GCC1: variants seen among roughly 807,000 people sequenced by gnomAD.
GCC1 encodes GRIP and coiled-coil domain-containing protein 1.
GCC1 carries 36 observed loss-of-function variants against 62.5 expected under a neutral mutation model. The ratio of observed to expected loss-of-function variants is 0.58; its 90% CI spans 0.44 to 0.76. The LOEUF is 0.76. Among genes scored for constraint, GCC1 ranks in the 30% least tolerant of loss-of-function variants. GCC1 has a pLI of 0.00. For synonymous variants in GCC1, 391 were observed against 386.8 expected (o/e 1.01, Z -0.13); for missense variants, 885 against 948.3 (o/e 0.93, Z 0.88).
rs1317543064 is a variant in GCC1 at position 127,584,656 on chromosome 7, G to C, written c.527C>G (p.Thr176Ser). 1 of 1,614,030 alleles carries C rather than the reference G, an allele frequency of 6.2e-7. No individual in the cohort carries two copies. The highest frequency in any genetic ancestry group is 2.2e-5 in the East Asian group (1 of 44,892). Residue 176 changes from threonine (T) to serine (S), a missense_variant, in exon 1 of 2, where the codon ACT (threonine) becomes AGT (serine). Coordinates refer to ENST00000321407, the MANE Select transcript of GCC1 (RefSeq NM_024523.6). ...ATLTSSLATV[T>S]QEKSRMEASY... The stretch of plus-strand genomic sequence containing the variant: ...AGCCTCCATGCGGGACTTCTCCTGA[G>C]TGACTGTAGCCAAAGAACTGGTCAA...
chr7:127,583,668 G>T (rs978818990), intron 1 of GCC1, among the ~76,000 whole-genome samples: 1 of 152,030 alleles, frequency 6.6e-6, no homozygotes, highest in Admixed American at 6.5e-5. Context: ...TCAAAACTGC[G>T]CTGGATCTCC....
At position 127,584,384 on chromosome 7, in the gene GCC1, T is replaced by A. The variant is rs1412366915; in HGVS notation, c.799A>T (p.Arg267Trp). The A allele has an allele frequency of 6.2e-7, 1 of 1,614,028 alleles. No homozygotes were observed. The highest frequency in any genetic ancestry group is 1.1e-5 in the South Asian group (1 of 91,080). The change falls in exon 1 of 2, where the codon AGG becomes TGG. Residue 267 changes from arginine (R) to tryptophan (W), a missense_variant. Arg to Trp is a moderately radical substitution (Grantham distance 101, BLOSUM62 -3). Coordinates refer to ENST00000321407, the MANE Select transcript of GCC1 (RefSeq NM_024523.6). ...ERTQRQDLEL[R>W]LEETREALAG... The stretch of plus-strand genomic sequence containing the variant: ...AAGGCTTCTCGGGTCTCTTCTAACC[T>A]AAGCTCCAAGTCCTGGCGCTGGGTC...
rs755058694 is a variant in GCC1 at position 127,583,094 on chromosome 7, G to A, written c.1248C>T (p.Ser416=). The A allele has an allele frequency of 6.2e-7, 1 of 1,614,044 alleles. No homozygotes were observed. Among genetic ancestry groups the A allele is most frequent in the Non-Finnish European group, 8.5e-7 (1 of 1,180,006 alleles). ...KTLALAASSR[S]PLDSHGEESS... is the part of the protein sequence containing the mutation. The stretch of plus-strand genomic sequence containing the variant: ...ACTCCTCTCCATGGCTGTCTAAAGG[G>A]GACCTGCTGGAGGCTGCTAGAGCCA... The change falls in exon 2 of 2, where the codon TCC becomes TCT. Residue 416 remains serine, a synonymous_variant. Transcript: ENST00000321407.
rs1417955801 is a variant in GCC1 at position 127,580,903 on chromosome 7, G to C, written c.*1111C>G. ...AGAAAAGAAGGAATAAAGAAACTGA[G>C]TTTTCTGAGAACCCCCTTTCCAGAC... is the stretch of plus-strand genomic sequence containing the variant. On this transcript the variant is annotated 3_prime_UTR_variant, in exon 2 of 2. Transcript: ENST00000321407. 6.6e-6 allele frequency: 1 copy of C among 152,178 alleles called. No homozygotes were observed. The highest frequency in any genetic ancestry group is 1.5e-5 in the Non-Finnish European group (1 of 68,046). 9.4% of individuals were successfully genotyped at this position (152,178 alleles called of 1,614,324 possible). A position where few individuals can be genotyped will look rare whatever the true frequency, so the allele number is the denominator to read the frequency against.
Position 127,584,922 on chromosome 7 carries a change from G to T in GCC1, c.261C>A (p.Cys87Ter), listed in dbSNP as rs2285348. Residue 87 changes from cysteine (C) to a stop codon, truncating the protein, a stop_gained, in exon 1 of 2, where the codon TGC becomes TGA. Transcript: ENST00000321407. LOFTEE classifies it high-confidence loss of function. ...CAGTGCTATCCTCGCTGTGAGTGGA[G>T]CACCGGTCATCCACAGAGTCAGGAA... ...LTFPDSVDDR[C>*]STHSEDSTGT... is the part of the protein sequence containing the mutation. The T allele has an allele frequency of 6.2e-7, 1 of 1,614,138 alleles. No individual in the cohort carries two copies. Among genetic ancestry groups the T allele is most frequent in the Admixed American group, 1.7e-5 (1 of 60,030 alleles).
chr7:127,585,594 A>G lies in GCC1; in HGVS notation c.-412T>C, dbSNP rs1348845052. Reference sequence around the variant, plus strand: ...ATCCTAACTAAAGCTGCCTGCCGACAACGGCGCTTCCGTGTCCGCTGGAAG... The same window carrying G: ...ATCCTAACTAAAGCTGCCTGCCGACGACGGCGCTTCCGTGTCCGCTGGAAG... On this transcript the variant is annotated 5_prime_UTR_variant, in exon 1 of 2. Coordinates refer to ENST00000321407, the MANE Select transcript of GCC1 (RefSeq NM_024523.6). 6.0e-6 allele frequency: 1 copy of G among 165,484 alleles called. No homozygotes were observed. The highest frequency in any genetic ancestry group is 1.7e-4 in the East Asian group (1 of 5,754). 10.3% of individuals were successfully genotyped at this position (165,484 alleles called of 1,614,324 possible).
In GCC1 at chr7:127,581,020, C is replaced by T. The variant is rs1185791706; in HGVS notation, c.*994G>A. On this transcript the variant is annotated 3_prime_UTR_variant, in exon 2 of 2. Transcript: ENST00000321407. ...AGAAAGCACCCCAACCCAGGTTTAG[C>T]TGATCTTTACCACTTCCCTGTGAGA... 1 of 152,228 alleles carries T rather than the reference C, an allele frequency of 6.6e-6. No individual in the cohort carries two copies. Among genetic ancestry groups the T allele is most frequent in the Non-Finnish European group, 1.5e-5 (1 of 68,042 alleles). The allele number at this position is 152,228 out of a possible 1,614,324, so 9.4% of individuals were successfully genotyped here.
rs1383020558 is a variant in GCC1, at chr7:127,584,805, T to G, written c.378A>C (p.Pro126=). Residue 126 remains proline (P), a synonymous_variant, in exon 1 of 2, where the codon CCA becomes CCC. Coordinates refer to ENST00000321407, the MANE Select transcript of GCC1 (RefSeq NM_024523.6). ...VEDDRPARGP[P]PPKSEEASWS... ...AACTGGCCTCTTCGGACTTTGGAGGTGGTGGTCCACGGGCCGGTCTGTCAT... is the reference window on the plus strand; with the variant it reads ...AACTGGCCTCTTCGGACTTTGGAGGGGGTGGTCCACGGGCCGGTCTGTCAT... 6.2e-7 allele frequency: 1 copy of G among 1,613,936 alleles called. No homozygotes were observed. Among genetic ancestry groups the G allele is most frequent in the Non-Finnish European group, 8.5e-7 (1 of 1,180,028 alleles).
chr7:127,585,330 G>A lies in GCC1; in HGVS notation c.-148C>T. On this transcript the variant is annotated 5_prime_UTR_variant, in exon 1 of 2. Coordinates refer to ENST00000321407, the MANE Select transcript of GCC1 (RefSeq NM_024523.6). ...TCCACCTAGTTATCCCGGACCTAAT[G>A]CGGAACGGCCGGACGGACTGGCGAA... is the stretch of plus-strand genomic sequence containing the variant. 1 of 764,870 alleles carries A rather than the reference G, an allele frequency of 1.3e-6. No individual in the cohort carries two copies. The highest frequency in any genetic ancestry group is 1.9e-5 in the South Asian group (1 of 53,170). 47.4% of individuals were successfully genotyped at this position (764,870 alleles called of 1,614,324 possible). A position where few individuals can be genotyped will look rare whatever the true frequency, so the allele number is the denominator to read the frequency against.
At position 127,584,889 on chromosome 7, in the gene GCC1, G is replaced by A. The variant is rs1299673110; in HGVS notation, c.294C>T (p.Ala98=). 6.2e-7 allele frequency: 1 copy of A among 1,614,160 alleles called. No homozygotes were observed. Among genetic ancestry groups the A allele is most frequent in the Non-Finnish European group, 8.5e-7 (1 of 1,180,042 alleles). Residue 98 remains alanine (A), a synonymous_variant, in exon 1 of 2, where the codon GCC becomes GCT. Transcript: ENST00000321407. ...STHSEDSTGT[A]TSLDTAASLT... Reference sequence around the variant, plus strand: ...GACTGGCCGCAGTATCCAAGCTAGTGGCGGTCCCAGTGCTATCCTCGCTGT... The same window carrying A: ...GACTGGCCGCAGTATCCAAGCTAGTAGCGGTCCCAGTGCTATCCTCGCTGT...
At position 127,582,466 on chromosome 7, in the gene GCC1, C is replaced by A; in HGVS notation, c.1876G>T (p.Gly626Cys). The A allele has an allele frequency of 6.2e-7, 1 of 1,613,810 alleles. No homozygotes were observed. The highest frequency in any genetic ancestry group is 8.5e-7 in the Non-Finnish European group (1 of 1,179,804). The change falls in exon 2 of 2, where the codon GGT (glycine) becomes TGT (cysteine). Residue 626 changes from glycine (G) to cysteine (C), a missense_variant. By Grantham distance (159) the Gly-to-Cys change is radical. Coordinates refer to ENST00000321407, the MANE Select transcript of GCC1 (RefSeq NM_024523.6). The surrounding 1 kb of genome is among the most constrained non-coding windows in gnomAD (Gnocchi z 4.8). ...PGRRSPVGGG[G>C]PGDPADTSSS... is the part of the protein sequence containing the mutation. ...GATGTGTCAGCTGGGTCCCCAGGAC[C>A]GCCACCACCCACAGGACTTCTGCGT... is the stretch of plus-strand genomic sequence containing the variant.
Position 127,583,183 on chromosome 7 carries a change from C to T in GCC1, c.1159G>A (p.Asp387Asn). 1.2e-6 allele frequency: 2 copies of T among 1,613,996 alleles called. No individual in the cohort carries two copies. Among genetic ancestry groups the T allele is most frequent in the Non-Finnish European group, 1.7e-6 (2 of 1,180,030 alleles). Residue 387 changes from aspartate to asparagine, a missense_variant, in exon 2 of 2, where the codon GAC (aspartate) becomes AAC (asparagine). Physicochemically the swap from Asp to Asn is conservative, Grantham distance 23. Coordinates refer to ENST00000321407, the MANE Select transcript of GCC1 (RefSeq NM_024523.6). ...LGTYEKAKQK[D>N]QLAIQKLKER... ...TTCAGCTTCTGAATGGCCAGCTGGT[C>T]CTTCTGCTTGGCTTTCTCGTAGGTG...
Position 127,582,231 on chromosome 7 carries a change from C to T in GCC1, c.2111G>A (p.Ser704Asn), listed in dbSNP as rs777726921. ...RHREEVAALQ[S>N]HIEKNIRDQS... ...GTCCCTGATGTTCTTTTCGATGTGG[C>T]TCTGCAGGGCTGCAACCTCCTCACG... Residue 704 changes from serine (S) to asparagine (N), a missense_variant, in exon 2 of 2, where the codon AGC becomes AAC. Ser to Asn is a conservative substitution (Grantham distance 46). Coordinates refer to ENST00000321407, the MANE Select transcript of GCC1 (RefSeq NM_024523.6). The surrounding 1 kb of genome is among the most constrained non-coding windows in gnomAD (Gnocchi z 4.8). 2.0e-5 allele frequency: 33 copies of T among 1,614,092 alleles called. No homozygotes were observed. The highest frequency in any genetic ancestry group is 3.3e-5 in the Admixed American group (2 of 60,004).
In GCC1 at chr7:127,582,309, T is replaced by G. The variant is rs1410872113; in HGVS notation, c.2033A>C (p.Glu678Ala). 6.2e-7 allele frequency: 1 copy of G among 1,614,118 alleles called. No individual in the cohort carries two copies. The highest frequency in any genetic ancestry group is 1.3e-5 in the African/African-American group (1 of 74,946). The change falls in exon 2 of 2, where the codon GAG (glutamate) becomes GCG (alanine). Residue 678 changes from glutamate (E) to alanine (A), a missense_variant. Physicochemically the swap from Glu to Ala is moderately radical, Grantham distance 107 (BLOSUM62 -1). Coordinates refer to ENST00000321407, the MANE Select transcript of GCC1 (RefSeq NM_024523.6). The surrounding 1 kb of genome is among the most constrained non-coding windows in gnomAD (Gnocchi z 4.8). ...ATCCTGCAGCTGATGCACCTCGACC[T>G]CCAGCCTGTGCTTCTGCTTCCTCAG... ...TSLRKQKHRL[E>A]VEVHQLQDRL...
At chr7:127,583,999 C>G in intron 1 of GCC1, 152 bp downstream of exon 1, 1 of 677,832 alleles carries the variant, frequency 1.5e-6, no homozygotes, top group Non-Finnish European at 2.5e-6. Flanking sequence ...CCGCATAGAA[C>G]AGGACTTCCC....
At position 127,583,304 on chromosome 7, in the gene GCC1, A is replaced by T; in HGVS notation, c.1038T>A (p.Ala346=). 1.9e-6 allele frequency: 3 copies of T among 1,591,104 alleles called. No individual in the cohort carries two copies. The highest frequency in any genetic ancestry group is 2.6e-6 in the Non-Finnish European group (3 of 1,167,070). The part of the protein sequence containing the change: ...AQLQQEMRKT[A]LAEDQLRQQS... ...GCTGACGGAGTTGATCCTCTGCAAG[A>T]GCTGTCTGCAAAACAAGGGAACAGA... Residue 346 remains alanine, a synonymous_variant, in exon 2 of 2, where the codon GCT becomes GCA. Transcript: ENST00000321407.
Position 127,582,317 on chromosome 7 carries a change from G to C in GCC1, c.2025C>G (p.His675Gln). The C allele has an allele frequency of 6.2e-7, 1 of 1,614,222 alleles. No homozygotes were observed. The highest frequency in any genetic ancestry group is 8.5e-7 in the Non-Finnish European group (1 of 1,180,050). The change falls in exon 2 of 2, where the codon CAC becomes CAG. Residue 675 changes from histidine (H) to glutamine (Q), a missense_variant. By Grantham distance (24) the His-to-Gln change is conservative. Transcript: ENST00000321407. This position sits in a 1 kb window ranked among gnomAD's most constrained non-coding sequence, Gnocchi z 4.8. ...GCTGATGCACCTCGACCTCCAGCCT[G>C]TGCTTCTGCTTCCTCAGTGATGTGA... ...VEITSLRKQK[H>Q]RLEVEVHQLQ...
Position 127,582,990 on chromosome 7 carries a change from T to A in GCC1, c.1352A>T (p.Gln451Leu), listed in dbSNP as rs756138761. 2.5e-6 allele frequency: 4 copies of A among 1,614,174 alleles called. No individual in the cohort carries two copies. The Admixed American group carries it at 6.7e-5, about 27-fold the overall frequency. Residue 451 changes from glutamine (Q) to leucine (L), a missense_variant, in exon 2 of 2, where the codon CAG (glutamine) becomes CTG (leucine). Gln to Leu is a moderately radical substitution (Grantham distance 113, BLOSUM62 -2). Transcript: ENST00000321407. This position sits in a 1 kb window ranked among gnomAD's most constrained non-coding sequence, Gnocchi z 4.8. Reference sequence around the variant, plus strand: ...GAGCTTCTCCACATCCAGGGTCACCTGGCTTTTCCTGGCCGCAACCTGCAG... The same window carrying A: ...GAGCTTCTCCACATCCAGGGTCACCAGGCTTTTCCTGGCCGCAACCTGCAG... ...RLLQVAARKSQVTLDVEKLCD... is the reference protein window; with the variant it reads ...RLLQVAARKSLVTLDVEKLCD...
Position 127,582,841 on chromosome 7 carries a change from C to A in GCC1, c.1501G>T (p.Val501Phe), listed in dbSNP as rs758122643. ...EFERYKMRAQ[V>F]VLKSKNTKDG... Reference sequence around the variant, plus strand: ...TTGGTATTCTTGCTTTTGAGGACAACCTGGGCTCTCATCTTGTACCTCTCA... The same window carrying A: ...TTGGTATTCTTGCTTTTGAGGACAAACTGGGCTCTCATCTTGTACCTCTCA... The change falls in exon 2 of 2, where the codon GTT (valine) becomes TTT (phenylalanine). Residue 501 changes from valine to phenylalanine, a missense_variant. Physicochemically the swap from Val to Phe is conservative, Grantham distance 50. Transcript: ENST00000321407. The surrounding 1 kb of genome is among the most constrained non-coding windows in gnomAD (Gnocchi z 4.8). The A allele has an allele frequency of 6.2e-7, 1 of 1,614,180 alleles. No individual in the cohort carries two copies. Among genetic ancestry groups the A allele is most frequent in the Non-Finnish European group, 8.5e-7 (1 of 1,180,030 alleles).
Sources: gnomAD v4.1 joint callset for allele counts (sites outside exome capture counted in the v4.1 genomes callset) on GRCh38, gnomAD v4.1.1 for gene constraint, Gnocchi (gnomAD v3.1) non-coding constraint, MANE v1.5 for transcripts, NCBI Gene and HGNC (gene_info 2026-07-23, HGNC 2026-07-21) for gene names.